ZNF267: variants seen among roughly 807,000 people sequenced by gnomAD.
ZNF267 encodes zinc finger (C2H2).
In ZNF267, 61 loss-of-function variants were observed where a neutral mutation model predicts 71.6. The observed-to-expected ratio is 0.85, with a 90% CI of 0.69 to 1.05. The LOEUF is 1.05. Among genes scored for constraint, ZNF267 ranks in the 50% least tolerant of loss-of-function variants. The pLI is 0.00. For synonymous variants in ZNF267, 288 were observed against 293.2 expected (o/e 0.98, Z 0.18); for missense variants, 852 against 870.0 (o/e 0.98, Z 0.26).
chr16:31,889,500 C>T (rs1215419641), intron 3 of ZNF267, among the ~76,000 whole-genome samples: 11 of 151,944 alleles, frequency 7.2e-5, no homozygotes, highest in Admixed American at 3.9e-4. Context: ...TTTTTATTTC[C>T]CTTTTGATTT....
intron 3 of ZNF267, among the ~76,000 whole-genome samples, chr16:31,901,570 G>A (rs2084041595): frequency 6.6e-6 from 1 of 152,108 alleles, no homozygotes; most frequent in African/African-American, 2.4e-5. Context: ...ATTTTTTCAT[G>A]TGTCTTTTGG....
intron 3 of ZNF267, among the ~76,000 whole-genome samples, chr16:31,910,958 TGAG>T (rs2084131093): frequency 1.3e-5 from 2 of 151,796 alleles, no homozygotes; most frequent in East Asian, 1.9e-4. Flanking sequence ...CAATTTTCAT[TGAG>T]GAGCGTATTG....
At chr16:31,888,312 C>T (rs2083937838) in intron 3 of ZNF267, among the ~76,000 whole-genome samples, 4 of 151,994 alleles carry the variant, frequency 2.6e-5, no homozygotes, top group Admixed American at 2.0e-4. Context: ...CATCTGTAAA[C>T]AGTGAGAATT....
At chr16:31,876,871 G>T (rs1427342860) in intron 1 of ZNF267, among the ~76,000 whole-genome samples, 1 of 152,136 alleles carries the variant, frequency 6.6e-6, no homozygotes, top group Non-Finnish European at 1.5e-5. Flanking sequence ...TCTTCCAGGG[G>T]AGTTTCCCCT....
intron 3 of ZNF267, 128 bp from the exon 4 acceptor site, chr16:31,914,348 C>A: frequency 1.2e-6 from 1 of 813,258 alleles, no homozygotes; most frequent in South Asian, 2.5e-5. Context: ...ATTGAGAAAA[C>A]ACGGCCTCAG....
intron 1 of ZNF267, among the ~76,000 whole-genome samples, chr16:31,882,091 G>A (rs1567471882): frequency 6.6e-6 from 1 of 152,182 alleles, no homozygotes; most frequent in South Asian, 2.1e-4. Flanking sequence ...TCTAAATCCT[G>A]CTGGGAATTA....
intron 3 of ZNF267, among the ~76,000 whole-genome samples, chr16:31,906,393 G>A (rs1390472540): frequency 6.6e-6 from 1 of 152,208 alleles, no homozygotes; most frequent in Non-Finnish European, 1.5e-5. Context: ...TACGGAGGCA[G>A]GCAGGCCTCC....
At chr16:31,893,934 G>A (rs2083978373) in intron 3 of ZNF267, among the ~76,000 whole-genome samples, 2 of 152,214 alleles carry the variant, frequency 1.3e-5, no homozygotes, top group Non-Finnish European at 2.9e-5. Context: ...TAAGACTTAG[G>A]TGGGTATAAG....
intron 1 of ZNF267, among the ~76,000 whole-genome samples, chr16:31,879,900 G>A (rs939635154): frequency 2.6e-5 from 4 of 152,178 alleles, no homozygotes; most frequent in Non-Finnish European, 5.9e-5. Context: ...TGAATGTGCA[G>A]AAGGTGCATG....
chr16:31,910,972 T>C (rs962817674), intron 3 of ZNF267, among the ~76,000 whole-genome samples: 6 of 151,662 alleles, frequency 4.0e-5, no homozygotes, highest in Admixed American at 2.6e-4. Context: ...GAGCGTATTG[T>C]TTAATTTACA....
rs181982743 is a variant in ZNF267, at chr16:31,916,769, T to A, written c.*288T>A. On this transcript the variant is annotated 3_prime_UTR_variant, in exon 4 of 4. Coordinates refer to ENST00000300870, the MANE Select transcript of ZNF267 (RefSeq NM_003414.6). ...AGTTTTATTCAAAATATCAAACTTA[T>A]GAGTCACCTAGGGGTTCATAGAAAA... is the stretch of plus-strand genomic sequence containing the variant. The A allele has an allele frequency of 6.4e-6, 2 of 310,622 alleles. No individual in the cohort carries two copies. Among genetic ancestry groups the A allele is most frequent in the East Asian group, 6.4e-5 (1 of 15,580 alleles). 19.2% of individuals were successfully genotyped at this position (310,622 alleles called of 1,614,324 possible). A position where few individuals can be genotyped will look rare whatever the true frequency, so the allele number is the denominator to read the frequency against.
intron 3 of ZNF267, chr16:31,913,561 T>C (rs976395651): frequency 2.0e-5 from 3 of 152,226 alleles, no homozygotes; most frequent in Non-Finnish European, 4.4e-5. Context: ...TGGCCCCAGG[T>C]AGGTTCAGAG....
At chr16:31,905,476 T>C (rs1295094183) in intron 3 of ZNF267, among the ~76,000 whole-genome samples, 1 of 152,212 alleles carries the variant, frequency 6.6e-6, no homozygotes. Flanking sequence ...TTGGAGGCTT[T>C]GTTCGTTTCT....
intron 3 of ZNF267, among the ~76,000 whole-genome samples, chr16:31,893,758 G>A (rs1167261777): frequency 6.6e-6 from 1 of 152,212 alleles, no homozygotes; most frequent in Non-Finnish European, 1.5e-5. Flanking sequence ...TCCACATTCA[G>A]ATAATTGTTG....
chr16:31,902,998 C>G (rs528152835), intron 3 of ZNF267, among the ~76,000 whole-genome samples: 20 of 152,182 alleles, frequency 1.3e-4, no homozygotes, highest in East Asian at 3.9e-4. Flanking sequence ...TAGCATGAAG[C>G]GTTGTTGAAT....
intron 1 of ZNF267, among the ~76,000 whole-genome samples, chr16:31,878,963 ATT>A (rs533686256): frequency 6.6e-6 from 1 of 152,156 alleles, no homozygotes; most frequent in Non-Finnish European, 1.5e-5. Context: ...TTCTTAAAGC[ATT>A]TACTTTGGAA....
intron 1 of ZNF267, 144 bp downstream of exon 1, chr16:31,874,113 C>A: frequency 1.2e-6 from 1 of 857,518 alleles, no homozygotes; most frequent in Non-Finnish European, 1.8e-6. Flanking sequence ...GCTCGGCCCT[C>A]GGTCCCCTCC....
intron 1 of ZNF267, among the ~76,000 whole-genome samples, chr16:31,883,470 G>A (rs989790145): frequency 6.6e-6 from 1 of 152,082 alleles, no homozygotes. Context: ...CTGCTTTCTT[G>A]TTTTCGTTAC....
At chr16:31,910,950 A>G (rs373646669) in intron 3 of ZNF267, among the ~76,000 whole-genome samples, 6 of 151,360 alleles carry the variant, frequency 4.0e-5, no homozygotes, top group South Asian at 2.1e-4. Context: ...TACTGATCCA[A>G]TTTTCATTGA....
Sources: gnomAD v4.1 joint callset for allele counts (sites outside exome capture counted in the v4.1 genomes callset) on GRCh38, gnomAD v4.1.1 for gene constraint, MANE v1.5 for transcripts, NCBI Gene and HGNC (gene_info 2026-07-23, HGNC 2026-07-21) for gene names.